The following SNRNP35 variants were observed in gnomAD, a reference collection of about 807,000 sequenced individuals.
SNRNP35 encodes small nuclear ribonucleoprotein U11/U12 subunit 35.
A neutral mutation model predicts 24.3 loss-of-function variants in SNRNP35; 16 were observed. The observed-to-expected ratio is 0.66, with a 90% confidence interval of 0.45 to 1.00. The LOEUF (loss-of-function observed/expected upper bound fraction) is 1.00. Among genes scored for constraint, SNRNP35 ranks in the 50% least tolerant of loss-of-function variants. The pLI is 0.00. For synonymous variants in SNRNP35, 106 were observed against 124.8 expected (o/e 0.85, Z 1.00); for missense variants, 292 against 327.2 (o/e 0.89, Z 0.83).
At chr12:123,462,672 G>A (rs1190635722) in intron 1 of SNRNP35, among the ~76,000 whole-genome samples, 4 of 151,960 alleles carry the variant, frequency 2.6e-5, no homozygotes, top group African/African-American at 7.3e-5. Context: ...TGTATTTTTA[G>A]TAGATATGGG....
rs1291806965 is a variant in SNRNP35 at position 123,472,740 on chromosome 12, G to GT, written n.1753dup. The GT allele has an allele frequency of 1.5e-5, 24 of 1,555,748 alleles. No individual in the cohort carries two copies. The East Asian group carries it at 1.9e-4, about 12-fold the overall frequency. On this transcript the variant is annotated non_coding_transcript_exon_variant, in exon 2 of 2. Coordinates refer to the SNRNP35 transcript ENST00000527158. ...GCTGACCCTTTGCTGTGCAAGTCACGTTTTTTGCAATGCCGGAGACATATA... is the reference window on the plus strand; with the variant it reads ...GCTGACCCTTTGCTGTGCAAGTCACGTTTTTTTGCAATGCCGGAGACATATA...
chr12:123,470,804 G>A (rs1881156138), downstream of SNRNP35: 1 of 152,150 alleles, frequency 6.6e-6, no homozygotes, highest in African/African-American at 2.4e-5. Flanking sequence ...GACATTTAGT[G>A]TTTAGGAAAG....
chr12:123,471,930 C>T (rs1881214573), downstream of SNRNP35: 1 of 153,598 alleles, frequency 6.5e-6, no homozygotes, highest in Non-Finnish European at 1.5e-5. Flanking sequence ...GGAACGCAGC[C>T]AGGGTGCCTG....
At chr12:123,463,140 A>C (rs559209763) in intron 1 of SNRNP35, among the ~76,000 whole-genome samples, 1 of 152,250 alleles carries the variant, frequency 6.6e-6, no homozygotes, top group East Asian at 1.9e-4. Flanking sequence ...GGCTCACTGC[A>C]GTCTCAAGTT....
Position 123,465,597 on chromosome 12 carries a change from T to C in SNRNP35, c.57T>C (p.Ile19=), listed in dbSNP as rs935925541. 7 of 1,601,338 alleles carry C rather than the reference T, an allele frequency of 4.4e-6. No individual in the cohort carries two copies. In the African/African-American group the frequency reaches 8.1e-5, roughly 18 times the overall value. The stretch of plus-strand genomic sequence containing the variant: ...ATGATCCACTCAAAGCGGGCAGCAT[T>C]GATGGCACCGATGAAGACCCACACG... The part of the protein sequence containing the change: ...KEYDPLKAGS[I]DGTDEDPHDR... The change falls in exon 2 of 2, where the codon ATT becomes ATC. Residue 19 remains isoleucine, a synonymous_variant. Coordinates refer to ENST00000526639, the MANE Select transcript of SNRNP35 (RefSeq NM_022717.4). This position sits in a 1 kb window ranked among gnomAD's most constrained non-coding sequence, Gnocchi z 4.2.
chr12:123,472,353 A>T, exon 2 of SNRNP35: 1 of 599,350 alleles, frequency 1.7e-6, no homozygotes, highest in East Asian at 2.8e-5. Flanking sequence ...ATAAATAAAC[A>T]TTTCTTTAGA....
At chr12:123,472,326 C>T (rs1881242571) in exon 2 of SNRNP35, 3 of 541,242 alleles carry the variant, frequency 5.5e-6, no homozygotes, top group Admixed American at 3.2e-5. Context: ...CTATTAGAAA[C>T]AGTGATAGCC....
intron 1 of SNRNP35, among the ~76,000 whole-genome samples, chr12:123,463,908 G>A (rs963607392): frequency 3.4e-5 from 5 of 146,568 alleles, no homozygotes; most frequent in South Asian, 2.2e-4. Context: ...GGATTAAGGC[G>A]CCCACCTACC....
At chr12:123,463,392 T>C (rs900630921) in intron 1 of SNRNP35, among the ~76,000 whole-genome samples, 6 of 151,876 alleles carry the variant, frequency 4.0e-5, no homozygotes, top group Non-Finnish European at 8.8e-5. Flanking sequence ...TTCTTTCTTT[T>C]TTTGAGACAG....
intron 1 of SNRNP35, chr12:123,464,697 T>C (rs963068452): frequency 4.6e-5 from 7 of 152,220 alleles, no homozygotes; most frequent in African/African-American, 1.4e-4. Context: ...GCATGACAAC[T>C]GCAGTGTGCT....
rs2139291693 is a variant in SNRNP35, at chr12:123,466,212, C to G, written c.672C>G (p.Asp224Glu). 6.4e-7 allele frequency: 1 copy of G among 1,570,590 alleles called. No homozygotes were observed. Among genetic ancestry groups the G allele is most frequent in the East Asian group, 2.2e-5 (1 of 44,594 alleles). Reference protein sequence around the residue: ...REPTRVWPDNDWERERDFRDD... With the variant: ...REPTRVWPDNEWERERDFRDD... ...CGACCAGGGTGTGGCCCGACAATGACTGGGAGAGAGAGAGGGACTTCAGAG... is the reference window on the plus strand; with the variant it reads ...CGACCAGGGTGTGGCCCGACAATGAGTGGGAGAGAGAGAGGGACTTCAGAG... The change falls in exon 2 of 2, where the codon GAC (aspartate) becomes GAG (glutamate). Residue 224 changes from aspartate (D) to glutamate (E), a missense_variant. By Grantham distance (45) the Asp-to-Glu change is conservative (BLOSUM62 2). Coordinates refer to ENST00000526639, the MANE Select transcript of SNRNP35 (RefSeq NM_022717.4).
chr12:123,463,955 C>T (rs1198632395), intron 1 of SNRNP35, among the ~76,000 whole-genome samples: 4 of 125,956 alleles, frequency 3.2e-5, no homozygotes, highest in Admixed American at 8.4e-5. Context: ...TTTTTGGAGA[C>T]GGAATTTTGC....
Position 123,466,280 on chromosome 12 carries a change from A to G in SNRNP35, c.740A>G (p.Ter247TrpextTer9), listed in dbSNP as rs1007069726. The G allele has an allele frequency of 6.6e-7, 1 of 1,517,892 alleles. No individual in the cohort carries two copies. Among genetic ancestry groups the G allele is most frequent in the African/African-American group, 1.4e-5 (1 of 71,770 alleles). 94.0% of individuals were successfully genotyped at this position (1,517,892 alleles called of 1,614,324 possible). ...AGGGAGAAGAAGGAAAGAGGCAAGT[A>G]GAGGCCCAACAGCAGAACCCCAAAG... ...KGREKKERGK[*>W] The change falls in exon 2 of 2, where the codon TAG becomes TGG. Residue 247 changes from the stop codon to tryptophan, a stop_lost. Coordinates refer to ENST00000526639, the MANE Select transcript of SNRNP35 (RefSeq NM_022717.4).
chr12:123,467,650 A>G (rs1332802410), downstream of SNRNP35, among the ~76,000 whole-genome samples: 1 of 152,206 alleles, frequency 6.6e-6, no homozygotes, highest in African/African-American at 2.4e-5. Context: ...TTCATGCAAA[A>G]TAAATGATTT....
intron 1 of SNRNP35, among the ~76,000 whole-genome samples, chr12:123,460,600 T>TAAA (rs1199455553): frequency 6.6e-5 from 1 of 15,164 alleles, no homozygotes; most frequent in Non-Finnish European, 1.6e-4. Context: ...ACCCCATCTC[T>TAAA]ACAAAAAAAA....
rs146208493 is a variant in SNRNP35 at position 123,465,621 on chromosome 12, C to T, written c.81C>T (p.His27=). Residue 27 remains histidine (H), a synonymous_variant, in exon 2 of 2, where the codon CAC becomes CAT. Coordinates refer to ENST00000526639, the MANE Select transcript of SNRNP35 (RefSeq NM_022717.4). This position sits in a 1 kb window ranked among gnomAD's most constrained non-coding sequence, Gnocchi z 4.2. ...TTGATGGCACCGATGAAGACCCACA[C>T]GACCGCGCGGTCTGGAGGGCAATGC... ...GSIDGTDEDP[H]DRAVWRAMLA... is the part of the protein sequence containing the mutation. 30 of 1,611,186 alleles carry T rather than the reference C, an allele frequency of 1.9e-5. No individual in the cohort carries two copies. In the African/African-American group the frequency reaches 1.9e-4, roughly 10 times the overall value.
downstream of SNRNP35, chr12:123,470,507 G>T: frequency 6.5e-6 from 1 of 153,790 alleles, no homozygotes; most frequent in Non-Finnish European, 1.4e-5. Context: ...CAGCCACAGT[G>T]GCTCACACCT....
rs188636494 is a variant in SNRNP35 at position 123,458,189 on chromosome 12, G to A, written c.-31G>A. ...CGCCTGCAGCTGCTCGCCTGTCTCC[G>A]TCGGAAGGGAGCCCAAGCTTTGCAG... On this transcript the variant is annotated 5_prime_UTR_variant, in exon 1 of 2. Transcript: ENST00000526639. The A allele has an allele frequency of 5.9e-5, 58 of 985,484 alleles. 1 individual carries two copies. The African/African-American group carries it at 8.0e-4, about 14-fold the overall frequency. The allele number at this position is 985,484 out of a possible 1,614,324, so 61.0% of individuals were successfully genotyped here.
In SNRNP35 at chr12:123,466,082, G is replaced by A. The variant is rs371556636; in HGVS notation, c.542G>A (p.Arg181Gln). 2.5e-5 allele frequency: 41 copies of A among 1,613,580 alleles called. No individual in the cohort carries two copies. The African/African-American group carries it at 2.8e-4, about 11-fold the overall frequency. The change falls in exon 2 of 2, where the codon CGG becomes CAG. Residue 181 changes from arginine (R) to glutamine (Q), a missense_variant. Coordinates refer to ENST00000526639, the MANE Select transcript of SNRNP35 (RefSeq NM_022717.4). ...VKNDLYREGK[R>Q]ERRERSRSRE... ...AACGACCTCTATAGAGAGGGAAAAC[G>A]GGAAAGGCGGGAGCGATCTCGATCC...
Sources: gnomAD v4.1 joint callset for allele counts (sites outside exome capture counted in the v4.1 genomes callset) on GRCh38, gnomAD v4.1.1 for gene constraint, Gnocchi (gnomAD v3.1) non-coding constraint, MANE v1.5 for transcripts, NCBI Gene and HGNC (gene_info 2026-07-23, HGNC 2026-07-21) for gene names.